LIMCH1: variants seen among roughly 807,000 people sequenced by gnomAD.
The protein encoded by LIMCH1 is LIM and calponin homology domains-containing protein 1.
Under a neutral mutation model 176.5 loss-of-function variants are expected in LIMCH1, and 113 were observed. The observed-to-expected ratio is 0.64, with a 90% CI of 0.55 to 0.75. LIMCH1 has a LOEUF of 0.75. LIMCH1 is among the 30% of genes least tolerant of loss of function. The probability of loss-of-function intolerance (pLI) is 0.00; values close to 1 mark genes in which losing one functional copy is unlikely to be tolerated. For missense variants in LIMCH1, 1,674 were observed against 1,814.9 expected, an observed-to-expected ratio of 0.92 and a Z score of 1.41; for synonymous variants, 619 against 645.9, an observed-to-expected ratio of 0.96 and a Z score of 0.63.
chr4:41,443,192 CTTTTTTTTTTTT>C (rs916559501), intron 1 of LIMCH1, among the ~76,000 whole-genome samples: 12 of 39,674 alleles, frequency 3.0e-4, no homozygotes, highest in Non-Finnish European at 4.1e-4. Context: ...TGTTTTTTTT[CTTTTTTTTTTTT>C]TTTTTTTTTT....
At chr4:41,671,684 T>A in intron 22 of LIMCH1, 90 bp downstream of exon 22, 1 of 1,031,396 alleles carries the variant, frequency 9.7e-7, no homozygotes, top group Non-Finnish European at 1.5e-6. Flanking sequence ...TCAGGCCGGG[T>A]GCAGGCGGTG....
At chr4:41,487,924 T>A (rs1405448479) in intron 1 of LIMCH1, among the ~76,000 whole-genome samples, 1 of 151,990 alleles carries the variant, frequency 6.6e-6, no homozygotes, top group Non-Finnish European at 1.5e-5. Context: ...AGTGCTTTTT[T>A]TTTTTTTCTA....
intron 1 of LIMCH1, chr4:41,494,517 T>G (rs762751837): frequency 5.0e-6 from 8 of 1,604,090 alleles, no homozygotes. Context: ...ATGTGCTCTT[T>G]TTCTTTTCTT....
chr4:41,580,414 C>T (rs1221465024), intron 1 of LIMCH1, among the ~76,000 whole-genome samples: 6 of 152,136 alleles, frequency 3.9e-5, no homozygotes, highest in Non-Finnish European at 8.8e-5. Flanking sequence ...TTATGAAACA[C>T]ACTCACTGAT....
At chr4:41,374,524 A>G (rs1321589153) in intron 1 of LIMCH1, among the ~76,000 whole-genome samples, 1 of 151,788 alleles carries the variant, frequency 6.6e-6, no homozygotes, top group Non-Finnish European at 1.5e-5. Context: ...TTCTTATTTT[A>G]TTTTAAACTC....
At chr4:41,434,363 A>G (rs1026703617) in intron 1 of LIMCH1, among the ~76,000 whole-genome samples, 1 of 152,158 alleles carries the variant, frequency 6.6e-6, no homozygotes, top group Admixed American at 6.5e-5. Context: ...TTTCACTCCC[A>G]TGGTCACCAG....
intron 1 of LIMCH1, among the ~76,000 whole-genome samples, chr4:41,467,218 A>G (rs1404399305): frequency 2.0e-5 from 3 of 151,140 alleles, no homozygotes; most frequent in African/African-American, 4.9e-5. Context: ...TTATTTATCC[A>G]TGCATCCATC....
At chr4:41,479,545 C>T (rs1259373317) in intron 1 of LIMCH1, among the ~76,000 whole-genome samples, 1 of 152,214 alleles carries the variant, frequency 6.6e-6, no homozygotes, top group Non-Finnish European at 1.5e-5. Context: ...AGCCACCGCG[C>T]CCAGCATCAC....
In LIMCH1 at chr4:41,576,081, G is replaced by A. The variant is rs74419466; in HGVS notation, c.-240-22839G>A. On this transcript the variant is annotated intron_variant, in intron 1 of 31. Coordinates refer to ENST00000503057, the MANE Select transcript of LIMCH1 (RefSeq NM_001330672.2). ...GGGATGCTCACAGTGACATTAATAA[G>A]CAATACATTTACAAAGTGTTTGTTA... 1.6e-3 allele frequency among the ~76,000 whole-genome samples: 240 copies of A among 152,264 alleles called. 1 individual carries two copies. The highest frequency in any genetic ancestry group is 0.011 in the East Asian group (55 of 5,180).
At chr4:41,405,352 T>A (rs1370106869) in intron 1 of LIMCH1, among the ~76,000 whole-genome samples, 1 of 152,144 alleles carries the variant, frequency 6.6e-6, no homozygotes, top group Non-Finnish European at 1.5e-5. Flanking sequence ...TATGTGTTGT[T>A]CAGGTGACAC....
intron 5 of LIMCH1, among the ~76,000 whole-genome samples, chr4:41,617,776 CAGAA>C: frequency 6.6e-6 from 1 of 152,282 alleles, no homozygotes; most frequent in African/African-American, 2.4e-5. Flanking sequence ...TCCTATTTTA[CAGAA>C]AAGGACAGTC....
rs148059910 is a variant in LIMCH1 at position 41,630,974 on chromosome 4, AT to A, written c.1272-167del. Among the ~76,000 whole-genome samples, 15 of 151,906 alleles carry A rather than the reference AT, an allele frequency of 9.9e-5. No individual in the cohort carries two copies. In the East Asian group the frequency reaches 2.7e-3, roughly 27 times the overall value. On this transcript the variant is annotated intron_variant, in intron 9 of 31. Transcript: ENST00000503057. ...GTTTTGCTTTTTGAAACTTTGTGGAATTTTTTTCTCCCAAATAATTTCCATT... is the reference window on the plus strand; with the variant it reads ...GTTTTGCTTTTTGAAACTTTGTGGAATTTTTTCTCCCAAATAATTTCCATT...
intron 2 of LIMCH1, among the ~76,000 whole-genome samples, chr4:41,516,347 G>T (rs989354167): frequency 6.6e-6 from 1 of 152,266 alleles, no homozygotes; most frequent in Non-Finnish European, 1.5e-5. Context: ...GATTAGGATG[G>T]CAGAGACTGG....
At chr4:41,410,174 A>G (rs2059353090) in intron 1 of LIMCH1, among the ~76,000 whole-genome samples, 1 of 152,138 alleles carries the variant, frequency 6.6e-6, no homozygotes, top group African/African-American at 2.4e-5. Flanking sequence ...CAGTAGCCCA[A>G]GAGGATGAAT....
chr4:41,504,531 T>G (rs942219716), intron 2 of LIMCH1, among the ~76,000 whole-genome samples: 14 of 152,240 alleles, frequency 9.2e-5, no homozygotes, highest in African/African-American at 2.9e-4. Flanking sequence ...TTCCCACTCG[T>G]GGGAGCAACC....
At chr4:41,471,897 C>G (rs115677353) in intron 1 of LIMCH1, among the ~76,000 whole-genome samples, 1,928 of 152,290 alleles carry the variant, frequency 0.013, 41 homozygotes, top group African/African-American at 0.044. Flanking sequence ...TGGAAGCCTT[C>G]CCTCTTTAAT....
intron 1 of LIMCH1, among the ~76,000 whole-genome samples, chr4:41,414,992 C>A (rs1356772529): frequency 1.3e-5 from 2 of 152,124 alleles, no homozygotes; most frequent in Non-Finnish European, 2.9e-5. Context: ...ACCTCATCCC[C>A]CCTCCTCCAT....
intron 1 of LIMCH1, among the ~76,000 whole-genome samples, chr4:41,478,637 C>T (rs996095179): frequency 3.9e-5 from 6 of 152,228 alleles, no homozygotes; most frequent in African/African-American, 1.4e-4. Context: ...CATCAGACAG[C>T]TCTACAACTG....
At chr4:41,441,306 A>G (rs1397295770) in intron 1 of LIMCH1, among the ~76,000 whole-genome samples, 1 of 152,256 alleles carries the variant, frequency 6.6e-6, no homozygotes, top group African/African-American at 2.4e-5. Context: ...TGTTTTAAGC[A>G]AAGATCTAAT....
Sources: gnomAD v4.1 joint callset for allele counts (sites outside exome capture counted in the v4.1 genomes callset) on GRCh38, gnomAD v4.1.1 for gene constraint, MANE v1.5 for transcripts, NCBI Gene and HGNC (gene_info 2026-07-23, HGNC 2026-07-21) for gene names.